SFMBT1: variants seen among roughly 807,000 people sequenced by gnomAD.
The protein encoded by SFMBT1 is scm-like with four MBT domains protein 1.
In SFMBT1, 32 loss-of-function variants were observed where a neutral mutation model predicts 108.7. The observed-to-expected ratio is 0.29, with a 90% CI of 0.22 to 0.40. The LOEUF (loss-of-function observed/expected upper bound fraction) is 0.40, where lower values mean the gene tolerates loss of function less well. SFMBT1 is among the 10% of genes least tolerant of loss of function. The pLI is 1.00. For missense variants in SFMBT1, 816 were observed against 1,059.6 expected (o/e 0.77, Z 3.19); for synonymous variants, 348 against 369.5 (o/e 0.94, Z 0.67).
chr3:53,014,344 C>T (rs1699053223), intron 1 of SFMBT1, among the ~76,000 whole-genome samples: 1 of 152,144 alleles, frequency 6.6e-6, no homozygotes. Context: ...GCGGCTCATG[C>T]CTGTAATGCC....
intron 1 of SFMBT1, among the ~76,000 whole-genome samples, chr3:52,988,921 G>C (rs1040499199): frequency 3.3e-5 from 5 of 152,110 alleles, no homozygotes; most frequent in Admixed American, 2.0e-4. Flanking sequence ...GTTAGTATTA[G>C]ACCCTAGTCA....
intron 2 of SFMBT1, among the ~76,000 whole-genome samples, chr3:52,963,242 G>A (rs372344191): frequency 1.3e-5 from 2 of 151,944 alleles, no homozygotes; most frequent in Admixed American, 6.6e-5. Flanking sequence ...TGGTCCGCCC[G>A]CCTCGCCCTT....
intron 17 of SFMBT1, among the ~76,000 whole-genome samples, chr3:52,908,099 G>A (rs1702120737): frequency 2.0e-5 from 3 of 146,810 alleles, no homozygotes; most frequent in South Asian, 4.4e-4. Flanking sequence ...TTTTGAGATG[G>A]AGTCTTGCTC....
intron 1 of SFMBT1, among the ~76,000 whole-genome samples, chr3:53,023,850 C>A (rs527729121): frequency 6.6e-6 from 1 of 152,328 alleles, no homozygotes; most frequent in Non-Finnish European, 1.5e-5. Flanking sequence ...CCTGACTAGA[C>A]ACTCGCTAAT....
chr3:52,946,854 C>T (rs553691652), intron 3 of SFMBT1, among the ~76,000 whole-genome samples: 2 of 149,448 alleles, frequency 1.3e-5, no homozygotes, highest in South Asian at 2.1e-4. Context: ...TCACTGCAAA[C>T]TCCACCTTTC....
At chr3:53,006,466 T>C (rs924961938) in intron 1 of SFMBT1, among the ~76,000 whole-genome samples, 2 of 151,902 alleles carry the variant, frequency 1.3e-5, no homozygotes, top group African/African-American at 4.8e-5. Context: ...CCGTCTCTAC[T>C]AAAAATAGAA....
chr3:52,921,411 C>T (rs1206361738), intron 11 of SFMBT1, among the ~76,000 whole-genome samples: 1 of 152,178 alleles, frequency 6.6e-6, no homozygotes, highest in Admixed American at 6.5e-5. Flanking sequence ...AATGTCCATG[C>T]TCATATAACT....
Position 52,908,853 on chromosome 3 carries a change from G to A in SFMBT1, c.1907-1120C>T, listed in dbSNP as rs142674891. On this transcript the variant is annotated intron_variant, in intron 17 of 20. Transcript: ENST00000394752. The stretch of plus-strand genomic sequence containing the variant: ...CCCAAAGTGCTGGGACTACAGGTGT[G>A]AGCCACCGCACCCGGCTTGACTATT... Among the ~76,000 whole-genome samples, 229 of 152,318 alleles carry A rather than the reference G, an allele frequency of 1.5e-3. 1 individual carries two copies. Among genetic ancestry groups the A allele is most frequent in the African/African-American group, 5.4e-3 (225 of 41,562 alleles).
chr3:52,958,862 A>C (rs1036643462), intron 2 of SFMBT1, among the ~76,000 whole-genome samples: 9 of 152,208 alleles, frequency 5.9e-5, no homozygotes, highest in African/African-American at 2.2e-4. Flanking sequence ...AATAGCAAAG[A>C]CATGGAATCA....
At chr3:52,963,083 T>G (rs1215667636) in intron 2 of SFMBT1, among the ~76,000 whole-genome samples, 1 of 151,404 alleles carries the variant, frequency 6.6e-6, no homozygotes, top group African/African-American at 2.4e-5. Context: ...AACCTCCACC[T>G]CCTGGGTACA....
Position 52,978,002 on chromosome 3 carries a change from C to T in SFMBT1, c.-130-8744G>A, listed in dbSNP as rs186006977. On this transcript the variant is annotated intron_variant, in intron 1 of 20. Coordinates refer to ENST00000394752, the MANE Select transcript of SFMBT1 (RefSeq NM_016329.4). ...TACTGGAAACTTATTATGTGTCAGG[C>T]ACAATAAAAAAAAATTAGAGATATA... is the stretch of plus-strand genomic sequence containing the variant. Among the ~76,000 whole-genome samples the T allele has an allele frequency of 5.5e-3, 774 of 140,642 alleles. 5 individuals are homozygous for T. Among genetic ancestry groups the T allele is most frequent in the Non-Finnish European group, 9.2e-3 (585 of 63,896 alleles). The allele number at this position is 140,642 out of a possible 152,430, so 92.3% of individuals were successfully genotyped here. A position where few individuals can be genotyped will look rare whatever the true frequency, so the allele number is the denominator to read the frequency against.
chr3:52,906,987 T>C (rs1298774838), intron 19 of SFMBT1, 82 bp downstream of exon 19: 1 of 1,485,014 alleles, frequency 6.7e-7, no homozygotes, highest in African/African-American at 1.4e-5. Context: ...AGAAGTAGAA[T>C]GTCAATATCA....
At chr3:52,954,288 C>A (rs776400451) in intron 3 of SFMBT1, 29 bp downstream of exon 3, 2 of 1,479,922 alleles carry the variant, frequency 1.4e-6, no homozygotes, top group East Asian at 4.5e-5. Context: ...GGATATAACA[C>A]CAGTAAGGCA....
intron 1 of SFMBT1, among the ~76,000 whole-genome samples, chr3:53,034,065 T>G (rs1699780136): frequency 9.6e-6 from 1 of 104,226 alleles, no homozygotes; most frequent in African/African-American, 3.8e-5. Flanking sequence ...AGCAAAACTC[T>G]GTCTCCAAAA....
At chr3:52,949,568 C>CT (rs59842273) in intron 3 of SFMBT1, among the ~76,000 whole-genome samples, 10,562 of 77,134 alleles carry the variant, frequency 0.14, 2,995 homozygotes, top group Non-Finnish European at 0.2. Context: ...TAATGTCCTT[C>CT]TTTTTTTTTT....
chr3:52,908,837 C>T (rs1702144796), intron 17 of SFMBT1, among the ~76,000 whole-genome samples: 1 of 152,210 alleles, frequency 6.6e-6, no homozygotes, highest in South Asian at 2.1e-4. Flanking sequence ...TCCCAAAGTG[C>T]TGGGACTACA....
In SFMBT1 at chr3:52,920,565, G is replaced by A; in HGVS notation, c.1344C>T (p.His448=). 6.2e-7 allele frequency: 1 copy of A among 1,613,984 alleles called. No homozygotes were observed. Among genetic ancestry groups the A allele is most frequent in the Non-Finnish European group, 8.5e-7 (1 of 1,179,932 alleles). Residue 448 remains histidine (H), a synonymous_variant, in exon 12 of 21, where the codon CAC becomes CAT. Coordinates refer to ENST00000394752, the MANE Select transcript of SFMBT1 (RefSeq NM_016329.4). The stretch of plus-strand genomic sequence containing the variant: ...GTGCTCGGCGAGGAGTGCTGAGGGG[G>A]TGGCCGTTGGTTTCACACCAGCCCA... ...FPLGWCETNG[H]PLSTPRRARV... is the part of the protein sequence containing the mutation.
At chr3:52,971,701 CAAGTAG>C (rs1282933207) in intron 1 of SFMBT1, among the ~76,000 whole-genome samples, 1 of 152,050 alleles carries the variant, frequency 6.6e-6, no homozygotes, top group Non-Finnish European at 1.5e-5. Flanking sequence ...AAATTGCTAG[CAAGTAG>C]AAGTACTAGA....
At chr3:53,027,356 A>T (rs1046479784) in intron 1 of SFMBT1, among the ~76,000 whole-genome samples, 6 of 152,040 alleles carry the variant, frequency 3.9e-5, no homozygotes, top group African/African-American at 1.4e-4. Flanking sequence ...CTTAAACACA[A>T]GTTCTGTATC....
Sources: gnomAD v4.1 joint callset for allele counts (sites outside exome capture counted in the v4.1 genomes callset) on GRCh38, gnomAD v4.1.1 for gene constraint, MANE v1.5 for transcripts, NCBI Gene and HGNC (gene_info 2026-07-23, HGNC 2026-07-21) for gene names.